The following SKAP2 variants were observed in gnomAD, a reference collection of about 807,000 sequenced individuals.
SKAP2 encodes the protein src kinase-associated phosphoprotein 2.
Under a neutral mutation model 54.9 loss-of-function variants are expected in SKAP2, and 28 were observed. That is an observed-to-expected ratio of 0.51 (90% CI 0.38 to 0.70). The LOEUF (loss-of-function observed/expected upper bound fraction) is 0.70. Among genes scored for constraint, SKAP2 ranks in the 30% least tolerant of loss-of-function variants. The pLI, the probability that SKAP2 is intolerant of heterozygous loss-of-function variation, is 0.00. For missense variants in SKAP2, 356 were observed against 424.1 expected (o/e 0.84, Z 1.41); for synonymous variants, 137 against 134.3 (o/e 1.02, Z -0.14).
At chr7:26,715,262 A>G (rs1214018344) in intron 9 of SKAP2, among the ~76,000 whole-genome samples, 1 of 152,120 alleles carries the variant, frequency 6.6e-6, no homozygotes, top group Non-Finnish European at 1.5e-5. Flanking sequence ...ATGTGACTCT[A>G]AAAGTTTTGA....
At chr7:26,664,504 C>G (rs1203555946), downstream of SKAP2, among the ~76,000 whole-genome samples, 3 of 151,992 alleles carry the variant, frequency 2.0e-5, no homozygotes, top group Non-Finnish European at 4.4e-5. Flanking sequence ...TGTCTTTAAC[C>G]AGCATACACT....
chr7:26,819,993 G>A (rs1294426119), intron 4 of SKAP2, among the ~76,000 whole-genome samples: 3 of 151,926 alleles, frequency 2.0e-5, no homozygotes, highest in Admixed American at 6.6e-5. Flanking sequence ...ATTCATAAAA[G>A]TTAAAATAAA....
chr7:26,667,014 A>G (rs1211656443), downstream of SKAP2: 1 of 152,248 alleles, frequency 6.6e-6, no homozygotes, highest in African/African-American at 2.4e-5. Context: ...TAATCATAAC[A>G]AAGTAATTTC....
chr7:26,839,511 T>G (rs1784778118), intron 4 of SKAP2, among the ~76,000 whole-genome samples: 1 of 152,136 alleles, frequency 6.6e-6, no homozygotes, highest in African/African-American at 2.4e-5. Flanking sequence ...TTAATTGAAT[T>G]TTTTAGAACA....
intron 4 of SKAP2, among the ~76,000 whole-genome samples, chr7:26,797,202 G>C (rs926596915): frequency 6.6e-6 from 1 of 152,210 alleles, no homozygotes; most frequent in Non-Finnish European, 1.5e-5. Flanking sequence ...CCAGGGCCTC[G>C]AGCTAAAATA....
chr7:26,684,660 T>G (rs212850), intron 11 of SKAP2, 76 bp downstream of exon 11: 627,274 of 805,606 alleles, frequency 0.78, 246,135 homozygotes, highest in African/African-American at 0.95. Flanking sequence ...CTTCCCTAGC[T>G]CTGTAAATCC....
intron 6 of SKAP2, 37 bp downstream of exon 6, chr7:26,738,758 T>C (rs1755309038): frequency 2.4e-6 from 3 of 1,254,974 alleles, no homozygotes; most frequent in Non-Finnish European, 3.5e-6. Context: ...AAAATTCTTT[T>C]GCAATAGTAG....
Position 26,690,121 on chromosome 7 carries a change from G to A in SKAP2, c.874+164C>T, listed in dbSNP as rs17291131. Reference sequence around the variant, plus strand: ...TAAATCCTTCTCAAGTGGTTTTCATGCATCCTAAATGGGACTAAGCAGCTT... The same window carrying A: ...TAAATCCTTCTCAAGTGGTTTTCATACATCCTAAATGGGACTAAGCAGCTT... On this transcript the variant is annotated intron_variant, in intron 10 of 12. Coordinates refer to ENST00000345317, the MANE Select transcript of SKAP2 (RefSeq NM_003930.5). Among the ~76,000 whole-genome samples, 13,417 of 152,246 alleles carry A rather than the reference G, an allele frequency of 0.088. 762 individuals are homozygous for A. Among genetic ancestry groups the A allele is most frequent in the Non-Finnish European group, 0.14 (9,443 of 67,998 alleles).
chr7:26,731,541 T>C (rs1787824185), intron 6 of SKAP2, among the ~76,000 whole-genome samples: 1 of 152,190 alleles, frequency 6.6e-6, no homozygotes, highest in Admixed American at 6.5e-5. Context: ...TACTTGTGAC[T>C]CATGATTCTC....
intron 4 of SKAP2, among the ~76,000 whole-genome samples, chr7:26,773,245 C>T: frequency 6.6e-6 from 1 of 152,162 alleles, no homozygotes; most frequent in East Asian, 1.9e-4. Context: ...GAATGAGATG[C>T]CATTTTACAT....
At chr7:26,810,826 C>T (rs1037262392) in intron 4 of SKAP2, among the ~76,000 whole-genome samples, 8 of 151,960 alleles carry the variant, frequency 5.3e-5, no homozygotes, top group Admixed American at 3.3e-4. Context: ...GGACTACAGG[C>T]ACACGCCACC....
intron 4 of SKAP2, among the ~76,000 whole-genome samples, chr7:26,811,549 G>A (rs1450749023): frequency 6.6e-6 from 1 of 152,044 alleles, no homozygotes; most frequent in Non-Finnish European, 1.5e-5. Context: ...AAAAACTTAA[G>A]TCCAAAAGAA....
chr7:26,716,730 A>G (rs1787452706), intron 9 of SKAP2, among the ~76,000 whole-genome samples: 1 of 151,974 alleles, frequency 6.6e-6, no homozygotes, highest in Non-Finnish European at 1.5e-5. Context: ...ATTGCATTCT[A>G]TTTCCTTAGT....
At chr7:26,740,906 C>T (rs961029930) in intron 4 of SKAP2, among the ~76,000 whole-genome samples, 5 of 151,596 alleles carry the variant, frequency 3.3e-5, no homozygotes, top group African/African-American at 9.7e-5. Context: ...GAGAATCACT[C>T]GAACCCAGGA....
intron 9 of SKAP2, among the ~76,000 whole-genome samples, chr7:26,695,482 T>C (rs1436434749): frequency 6.6e-6 from 1 of 152,256 alleles, no homozygotes; most frequent in Non-Finnish European, 1.5e-5. Flanking sequence ...TCAAGGTTCA[T>C]ACATCCAGTT....
intron 4 of SKAP2, among the ~76,000 whole-genome samples, chr7:26,839,557 A>C (rs1251752344): frequency 2.0e-5 from 3 of 152,124 alleles, no homozygotes; most frequent in African/African-American, 7.2e-5. Flanking sequence ...CAAAAATATG[A>C]TAGTGGGTTA....
At chr7:26,814,563 CA>C (rs397889100) in intron 4 of SKAP2, among the ~76,000 whole-genome samples, 236 of 90,166 alleles carry the variant, frequency 2.6e-3, no homozygotes, top group African/African-American at 4.5e-3. Flanking sequence ...CTTACACCAG[CA>C]AAAAAAAAAA....
chr7:26,764,849 C>A (rs1783011591), intron 4 of SKAP2, among the ~76,000 whole-genome samples: 1 of 152,142 alleles, frequency 6.6e-6, no homozygotes. Context: ...CGGCGCCTGG[C>A]TGTGCCACAT....
At chr7:26,727,057 A>T in intron 6 of SKAP2, 51 bp from the exon 7 acceptor site, 1 of 1,392,866 alleles carries the variant, frequency 7.2e-7, no homozygotes, top group East Asian at 2.5e-5. Flanking sequence ...ATTAATGCTC[A>T]ATTATCTTTT....
Sources: allele counts gnomAD v4.1 joint callset (sites outside exome capture counted in the v4.1 genomes callset), GRCh38; gene constraint gnomAD v4.1.1; transcripts MANE v1.5; gene names NCBI Gene and HGNC (gene_info 2026-07-23, HGNC 2026-07-21).